GTF2A1L: variants seen among roughly 807,000 people sequenced by gnomAD.
GTF2A1L encodes the protein general transcription factor IIA subunit 1 like.
In GTF2A1L, 48 loss-of-function variants were observed where a neutral mutation model predicts 49.7. That is an observed-to-expected ratio of 0.97 (90% CI 0.77 to 1.23). The LOEUF (loss-of-function observed/expected upper bound fraction) is 1.23. Ranked by LOEUF, GTF2A1L falls within the 50% of genes most tolerant of loss-of-function variation. GTF2A1L has a pLI of 0.00. For missense variants in GTF2A1L, 736 were observed against 564.8 expected (o/e 1.30, Z -3.07); for synonymous variants, 246 against 193.5 (o/e 1.27, Z -2.25).
At chr2:48,644,570 A>C (rs1026339282) in intron 4 of GTF2A1L, among the ~76,000 whole-genome samples, 2 of 152,194 alleles carry the variant, frequency 1.3e-5, no homozygotes, top group Non-Finnish European at 2.9e-5. Flanking sequence ...CATGGGTCAA[A>C]GGTCATTTGT....
intron 3 of GTF2A1L, among the ~76,000 whole-genome samples, chr2:48,623,274 T>A (rs1285749040): frequency 1.3e-5 from 2 of 152,232 alleles, no homozygotes. Context: ...AATTTTTTTA[T>A]CTCTTTTGAT....
chr2:48,652,179 C>A (rs899849807), intron 6 of GTF2A1L, among the ~76,000 whole-genome samples: 1 of 152,108 alleles, frequency 6.6e-6, no homozygotes, highest in Non-Finnish European at 1.5e-5. Context: ...TATGAGGCTA[C>A]GTAAATTCAA....
At chr2:48,653,212 C>T (rs1262958263) in intron 6 of GTF2A1L, among the ~76,000 whole-genome samples, 16 of 122,648 alleles carry the variant, frequency 1.3e-4, no homozygotes, top group African/African-American at 3.7e-4. Flanking sequence ...CAGAGCCAGA[C>T]TCTGTCTCAA....
chr2:48,635,290 A>G (rs1676824617), intron 3 of GTF2A1L, among the ~76,000 whole-genome samples: 2 of 150,060 alleles, frequency 1.3e-5, no homozygotes, highest in South Asian at 4.3e-4. Flanking sequence ...GCTGTTAATC[A>G]AGGTGAGTGG....
intron 3 of GTF2A1L, among the ~76,000 whole-genome samples, chr2:48,637,750 C>G (rs1057250314): frequency 6.6e-6 from 1 of 151,916 alleles, no homozygotes; most frequent in Non-Finnish European, 1.5e-5. Context: ...GAGAGAAGAT[C>G]CAAATAAACA....
intron 8 of GTF2A1L, among the ~76,000 whole-genome samples, chr2:48,673,797 G>A (rs1161977869): frequency 1.3e-5 from 2 of 152,166 alleles, no homozygotes; most frequent in Non-Finnish European, 2.9e-5. Flanking sequence ...TGTTTGTTCA[G>A]ATTTTTGTGT....
intron 1 of GTF2A1L, among the ~76,000 whole-genome samples, chr2:48,619,196 C>T (rs1675832577): frequency 6.6e-6 from 1 of 152,038 alleles, no homozygotes; most frequent in Non-Finnish European, 1.5e-5. Flanking sequence ...GGGCTGGGCA[C>T]GGTGGCTTAC....
rs190890683 is a variant in GTF2A1L, at chr2:48,663,781, A to G, written c.979-5941A>G. Among the ~76,000 whole-genome samples, 1,008 of 152,194 alleles carry G rather than the reference A, an allele frequency of 6.6e-3. 5 individuals carry two copies. Among genetic ancestry groups the G allele is most frequent in the Non-Finnish European group, 0.011 (735 of 68,010 alleles). On this transcript the variant is annotated intron_variant, in intron 6 of 8. Coordinates refer to ENST00000403751, the MANE Select transcript of GTF2A1L (RefSeq NM_006872.5). ...CAGCCTCCTGAGTAGCTGGGACTGT[A>G]GGCACACACAACCATACCTGGCTAA...
intron 1 of GTF2A1L, among the ~76,000 whole-genome samples, chr2:48,619,933 CCTT>C (rs939961671): frequency 1.3e-5 from 2 of 152,014 alleles, no homozygotes; most frequent in Non-Finnish European, 2.9e-5. Flanking sequence ...TTGTTCGTGC[CCTT>C]CTTAGGTTCT....
At chr2:48,642,284 T>A in intron 3 of GTF2A1L, 118 bp from the exon 4 acceptor site, 2 of 1,000,540 alleles carry the variant, frequency 2.0e-6, no homozygotes, top group Non-Finnish European at 2.7e-6. Context: ...AAGTTTAGAA[T>A]TCACCATGGT....
chr2:48,633,257 C>T (rs190845861), intron 3 of GTF2A1L: 98 of 164,762 alleles, frequency 5.9e-4, no homozygotes, highest in African/African-American at 1.6e-3. Flanking sequence ...TCCCCACCCC[C>T]CCGTCCCACT....
At chr2:48,639,762 C>T (rs530545101) in intron 3 of GTF2A1L, among the ~76,000 whole-genome samples, 18 of 152,094 alleles carry the variant, frequency 1.2e-4, no homozygotes, top group Non-Finnish European at 2.2e-4. Context: ...AGGAAGCAGC[C>T]TACAGAATGG....
intron 6 of GTF2A1L, among the ~76,000 whole-genome samples, chr2:48,647,307 A>T (rs1422833854): frequency 6.6e-6 from 1 of 152,168 alleles, no homozygotes; most frequent in Non-Finnish European, 1.5e-5. Context: ...AACCAAGAAG[A>T]TTCTTTCTTT....
intron 3 of GTF2A1L, among the ~76,000 whole-genome samples, chr2:48,640,632 A>T (rs1414060044): frequency 6.6e-6 from 1 of 152,144 alleles, no homozygotes; most frequent in Non-Finnish European, 1.5e-5. Context: ...TAATCTGTAA[A>T]ATCTGTGACA....
At chr2:48,663,047 T>G (rs1357572199) in intron 6 of GTF2A1L, among the ~76,000 whole-genome samples, 1 of 152,082 alleles carries the variant, frequency 6.6e-6, no homozygotes, top group Non-Finnish European at 1.5e-5. Context: ...CCTGTACATA[T>G]ACCCCTGAAC....
At chr2:48,668,254 A>G (rs1678957291) in intron 6 of GTF2A1L, among the ~76,000 whole-genome samples, 1 of 152,172 alleles carries the variant, frequency 6.6e-6, no homozygotes, top group Non-Finnish European at 1.5e-5. Flanking sequence ...TCTATATTCC[A>G]GTCTTAAAGC....
intron 6 of GTF2A1L, among the ~76,000 whole-genome samples, chr2:48,666,199 C>T (rs1265866263): frequency 3.3e-5 from 5 of 149,640 alleles, no homozygotes; most frequent in African/African-American, 7.5e-5. Flanking sequence ...AAGTGAGTTT[C>T]TTTCTTTCTT....
At chr2:48,653,735 C>A (rs911551256) in intron 6 of GTF2A1L, among the ~76,000 whole-genome samples, 3 of 152,002 alleles carry the variant, frequency 2.0e-5, no homozygotes, top group African/African-American at 7.2e-5. Context: ...GAGTTCAAGA[C>A]CAGCCTGGCC....
At chr2:48,645,851 T>A (rs1371937203) in intron 5 of GTF2A1L, among the ~76,000 whole-genome samples, 2 of 152,042 alleles carry the variant, frequency 1.3e-5, no homozygotes, top group Admixed American at 6.6e-5. Flanking sequence ...GGTTTCACCG[T>A]TTTAGCCAGG....
Sources: gnomAD v4.1 joint callset for allele counts (sites outside exome capture counted in the v4.1 genomes callset) on GRCh38, gnomAD v4.1.1 for gene constraint, MANE v1.5 for transcripts, NCBI Gene and HGNC (gene_info 2026-07-23, HGNC 2026-07-21) for gene names.